The following QSOX2 variants were observed in gnomAD, a reference collection of about 807,000 sequenced individuals.
QSOX2 encodes the protein quiescin sulfhydryl oxidase 2.
In QSOX2, 46 loss-of-function variants were observed where a neutral mutation model predicts 61.7. The ratio of observed to expected loss-of-function variants is 0.75; its 90% CI spans 0.59 to 0.95. QSOX2 has a LOEUF of 0.95. Ranked by LOEUF, QSOX2 falls within the 40% of genes least tolerant of loss-of-function variation. The probability of loss-of-function intolerance (pLI) is 0.00; values close to 1 mark genes in which losing one functional copy is unlikely to be tolerated. For missense variants in QSOX2, 879 were observed against 918.9 expected, an observed-to-expected ratio of 0.96 and a Z score of 0.56; for synonymous variants, 383 against 388.4, an observed-to-expected ratio of 0.99 and a Z score of 0.16.
In QSOX2 at chr9:136,216,678, C is replaced by T. The variant is rs752317870; in HGVS notation, c.1131G>A (p.Leu377=). ...RPPVKKLLEM[L]QEWLASLPLD... is the part of the protein sequence containing the mutation. ...GGGGAAGGCTGGCCAGCCACTCCTGCAGCATCTCCAACAGCTTCTTGACTG... is the reference window on the plus strand; with the variant it reads ...GGGGAAGGCTGGCCAGCCACTCCTGTAGCATCTCCAACAGCTTCTTGACTG... The change falls in exon 9 of 12, where the codon CTG becomes CTA. Residue 377 remains leucine, a synonymous_variant. Coordinates refer to ENST00000358701, the MANE Select transcript of QSOX2 (RefSeq NM_181701.4). The T allele has an allele frequency of 1.9e-6, 3 of 1,613,984 alleles. No homozygotes were observed. The highest frequency in any genetic ancestry group is 2.2e-5 in the South Asian group (2 of 91,082).
At chr9:136,220,389 A>G (rs1831966483) in intron 6 of QSOX2, among the ~76,000 whole-genome samples, 1 of 152,216 alleles carries the variant, frequency 6.6e-6, no homozygotes, top group South Asian at 2.1e-4. Context: ...GGCGCCCTCT[A>G]TGCCCCAGTC....
At position 136,208,633 on chromosome 9, in the gene QSOX2, A is replaced by G. The variant is rs1588630823; in HGVS notation, c.*95T>C. ...GATGTGAAACCAGGCCCGCATGTTT[A>G]TAAAATCCCTGATCATAAATATTAA... On this transcript the variant is annotated 3_prime_UTR_variant, in exon 12 of 12. Coordinates refer to ENST00000358701, the MANE Select transcript of QSOX2 (RefSeq NM_181701.4). 1 of 1,429,106 alleles carries G rather than the reference A, an allele frequency of 7.0e-7. No homozygotes were observed. The highest frequency in any genetic ancestry group is 9.3e-7 in the Non-Finnish European group (1 of 1,074,266). The allele number at this position is 1,429,106 out of a possible 1,614,324, so 88.5% of individuals were successfully genotyped here. A position where few individuals can be genotyped will look rare whatever the true frequency, so the allele number is the denominator to read the frequency against.
rs781939338 is a variant in QSOX2 at position 136,245,510 on chromosome 9, C to T, written c.294G>A (p.Ala98=). Residue 98 remains alanine, a synonymous_variant, in exon 1 of 12, where the codon GCG becomes GCA. Coordinates refer to ENST00000358701, the MANE Select transcript of QSOX2 (RefSeq NM_181701.4). ...CCCCAGCCAGGGCCCGCCAAGTGGGCGCGTAGCCGATGCAGTGGCCACACC... is the reference window on the plus strand; with the variant it reads ...CCCCAGCCAGGGCCCGCCAAGTGGGTGCGTAGCCGATGCAGTGGCCACACC... ...SSWCGHCIGY[A]PTWRALAGDV... The T allele has an allele frequency of 3.1e-6, 5 of 1,593,776 alleles. 1 individual carries two copies. The South Asian group carries it at 3.3e-5, about 11-fold the overall frequency.
intron 1 of QSOX2, among the ~76,000 whole-genome samples, chr9:136,227,176 A>G (rs1431238792): frequency 6.6e-6 from 1 of 152,220 alleles, no homozygotes; most frequent in Non-Finnish European, 1.5e-5. Context: ...ACCCTGATGG[A>G]TGAAAGCGCT....
At chr9:136,217,689 AGAGCAG>A (rs1831930725) in intron 8 of QSOX2, among the ~76,000 whole-genome samples, 1 of 152,256 alleles carries the variant, frequency 6.6e-6, no homozygotes, top group Non-Finnish European at 1.5e-5. Context: ...CCGGGAGAGG[AGAGCAG>A]GTCTGCCTAG....
At chr9:136,216,795 AC>A in intron 8 of QSOX2, 73 bp from the exon 9 acceptor site, 1 of 1,567,350 alleles carries the variant, frequency 6.4e-7, no homozygotes, top group Middle Eastern at 1.7e-4. Flanking sequence ...GGGGCACCGC[AC>A]CTCCAAAGAG....
chr9:136,218,924 C>T, intron 7 of QSOX2, 106 bp downstream of exon 7: 4 of 1,570,218 alleles, frequency 2.5e-6, no homozygotes, highest in Non-Finnish European at 2.6e-6. Context: ...TCCTGAGCGG[C>T]CCTCACTGGC....
At chr9:136,216,202 C>T (rs1359531011) in intron 9 of QSOX2, among the ~76,000 whole-genome samples, 1 of 152,176 alleles carries the variant, frequency 6.6e-6, no homozygotes, top group Non-Finnish European at 1.5e-5. Context: ...GGGTGCTGGT[C>T]CCCTGAGCAA....
intron 1 of QSOX2, among the ~76,000 whole-genome samples, chr9:136,233,817 G>A (rs144596657): frequency 1.3e-5 from 2 of 152,306 alleles, no homozygotes; most frequent in Admixed American, 6.5e-5. Context: ...CACTCGAGAC[G>A]GTTTTTGCTT....
At chr9:136,212,448 C>G (rs1831858025) in intron 10 of QSOX2, among the ~76,000 whole-genome samples, 1 of 152,270 alleles carries the variant, frequency 6.6e-6, no homozygotes, top group Non-Finnish European at 1.5e-5. Context: ...CTGCAAAACA[C>G]AGCTGCGTGC....
At position 136,207,453 on chromosome 9, in the gene QSOX2, T is replaced by A. The variant is rs1044452694; in HGVS notation, c.*1275A>T. On this transcript the variant is annotated 3_prime_UTR_variant, in exon 12 of 12. Transcript: ENST00000358701. ...TTTTAGCCAAATCAAATTTTGCCTG[T>A]GAGACACACCAATAGCCACAAAGAA... 10 of 152,092 alleles carry A rather than the reference T, an allele frequency of 6.6e-5. No homozygotes were observed. The highest frequency in any genetic ancestry group is 2.4e-4 in the African/African-American group (10 of 41,330). 9.4% of individuals were successfully genotyped at this position (152,092 alleles called of 1,614,324 possible). A position where few individuals can be genotyped will look rare whatever the true frequency, so the allele number is the denominator to read the frequency against.
intron 8 of QSOX2, among the ~76,000 whole-genome samples, chr9:136,218,431 G>T (rs1471910194): frequency 2.0e-5 from 3 of 152,290 alleles, no homozygotes; most frequent in East Asian, 3.9e-4. Flanking sequence ...TTTCCAGCAG[G>T]TGCTCGGCTC....
In QSOX2 at chr9:136,223,218, C is replaced by T. The variant is rs1830243027; in HGVS notation, c.675+545G>A. ...CGCATGTGCAGTGAGGCCTTTCTCTCGTCTCCGGGAAGACTGTCAGCAATA... is the reference window on the plus strand; with the variant it reads ...CGCATGTGCAGTGAGGCCTTTCTCTTGTCTCCGGGAAGACTGTCAGCAATA... On this transcript the variant is annotated intron_variant, in intron 5 of 11. Transcript: ENST00000358701. The surrounding 1 kb of genome is among the most constrained non-coding windows in gnomAD (Gnocchi z 4.4). Among the ~76,000 whole-genome samples, 1 of 152,198 alleles carries T rather than the reference C, an allele frequency of 6.6e-6. No homozygotes were observed. Among genetic ancestry groups the T allele is most frequent in the Admixed American group, 6.5e-5 (1 of 15,288 alleles).
At chr9:136,245,370 A>G in intron 1 of QSOX2, 106 bp downstream of exon 1, 1 of 935,494 alleles carries the variant, frequency 1.1e-6, no homozygotes, top group Non-Finnish European at 1.6e-6. Context: ...AAGGAAAGAA[A>G]TACGGGGGAG....
At chr9:136,226,736 G>C in intron 2 of QSOX2, 38 bp downstream of exon 2, 1 of 1,524,820 alleles carries the variant, frequency 6.6e-7, no homozygotes, top group South Asian at 1.1e-5. Flanking sequence ...TGGGGTAGAA[G>C]GTGAATTTCA....
At chr9:136,233,716 AACTC>A (rs1364468912) in intron 1 of QSOX2, among the ~76,000 whole-genome samples, 1 of 152,204 alleles carries the variant, frequency 6.6e-6, no homozygotes, top group African/African-American at 2.4e-5. Context: ...ATCGTGCAGC[AACTC>A]AAGAGAACAG....
chr9:136,224,790 TG>T, intron 3 of QSOX2, 70 bp downstream of exon 3: 1 of 1,108,578 alleles, frequency 9.0e-7, no homozygotes, highest in African/African-American at 1.6e-5. Flanking sequence ...CCCCAGGCTC[TG>T]GGACCGTGTG....
intron 1 of QSOX2, among the ~76,000 whole-genome samples, chr9:136,244,349 C>T (rs1410112101): frequency 6.6e-6 from 1 of 152,118 alleles, no homozygotes; most frequent in Non-Finnish European, 1.5e-5. Context: ...TCAAAAGGCC[C>T]CAGCTCTCTA....
At chr9:136,245,171 T>A (rs923076022) in intron 1 of QSOX2, among the ~76,000 whole-genome samples, 24 of 152,122 alleles carry the variant, frequency 1.6e-4, no homozygotes, top group African/African-American at 5.8e-4. Flanking sequence ...GGCTTCCCTA[T>A]CCCCAAGCGT....
Sources: allele counts gnomAD v4.1 joint callset (sites outside exome capture counted in the v4.1 genomes callset), GRCh38; gene constraint gnomAD v4.1.1; non-coding constraint Gnocchi (gnomAD v3.1); transcripts MANE v1.5; gene names NCBI Gene and HGNC (gene_info 2026-07-23, HGNC 2026-07-21).